TENM2: variants seen among roughly 807,000 people sequenced by gnomAD.
The protein encoded by TENM2 is teneurin transmembrane protein 2.
A neutral mutation model predicts 245.2 loss-of-function variants in TENM2; 52 were observed. That is an observed-to-expected ratio of 0.21 (90% CI 0.17 to 0.27). The LOEUF is 0.27. TENM2 is among the 10% of genes least tolerant of loss of function. TENM2 has a pLI of 1.00. For synonymous variants in TENM2, 1,363 were observed against 1,438.9 expected, an observed-to-expected ratio of 0.95 and a Z score of 1.19; for missense variants, 3,046 against 3,666.8, an observed-to-expected ratio of 0.83 and a Z score of 4.37.
At chr5:167,438,249 T>G (rs1018354007) in intron 2 of TENM2, among the ~76,000 whole-genome samples, 5 of 152,172 alleles carry the variant, frequency 3.3e-5, no homozygotes, top group Non-Finnish European at 7.4e-5. Context: ...CTGATGTGCC[T>G]TTTTTTGCTT....
chr5:167,877,947 A>G (rs1773564083), intron 3 of TENM2, among the ~76,000 whole-genome samples: 1 of 152,166 alleles, frequency 6.6e-6, no homozygotes, highest in Non-Finnish European at 1.5e-5. Context: ...GAAGGACAAG[A>G]GGCTTTTGAA....
intron 3 of TENM2, among the ~76,000 whole-genome samples, chr5:167,941,477 A>G (rs1368731978): frequency 1.3e-5 from 2 of 152,164 alleles, no homozygotes; most frequent in Non-Finnish European, 2.9e-5. Context: ...ACTCAGTAGG[A>G]AAATGGTCCC....
At position 168,247,441 on chromosome 5, in the gene TENM2, T is replaced by C. The variant is rs1562333085; in HGVS notation, c.6502T>C (p.Phe2168Leu). 1 of 1,613,762 alleles carries C rather than the reference T, an allele frequency of 6.2e-7. No individual in the cohort carries two copies. Among genetic ancestry groups the C allele is most frequent in the Non-Finnish European group, 8.5e-7 (1 of 1,179,734 alleles). Residue 2168 changes from phenylalanine to leucine, a missense_variant, in exon 27 of 29, where the codon TTC becomes CTC. Around this residue, in one of 2 missense-constraint regions of TENM2, gnomAD observed 2,704 missense variants for 3,331.9 expected, o/e 0.81. Transcript: ENST00000518659. The surrounding 1 kb of genome is among the most constrained non-coding windows in gnomAD (Gnocchi z 7.8). ...GATCAAGGAGGTCCAGTATGAGATGTTCCGGTCCCTCATGTACTGGATGAC... is the reference window on the plus strand; with the variant it reads ...GATCAAGGAGGTCCAGTATGAGATGCTCCGGTCCCTCATGTACTGGATGAC...
At chr5:167,070,106 A>T in the TENM2 span, among the ~76,000 whole-genome samples, 1 of 84,614 alleles carries the variant, frequency 1.2e-5, no homozygotes, top group South Asian at 2.9e-4. Context: ...TCATTTGACA[A>T]ATATTTATTT....
intron 3 of TENM2, among the ~76,000 whole-genome samples, chr5:167,898,722 C>A (rs1042299587): frequency 6.6e-6 from 1 of 152,052 alleles, no homozygotes; most frequent in Non-Finnish European, 1.5e-5. Context: ...ATAGGAGTTG[C>A]CAGGGACTTC....
chr5:167,039,347 A>C, the TENM2 span, among the ~76,000 whole-genome samples: 2 of 152,118 alleles, frequency 1.3e-5, no homozygotes, highest in Admixed American at 1.3e-4. Context: ...GCAGTGACCT[A>C]GGGCAGAATC....
At chr5:167,028,628 A>G in the TENM2 span, among the ~76,000 whole-genome samples, 1 of 152,118 alleles carries the variant, frequency 6.6e-6, no homozygotes, top group Non-Finnish European at 1.5e-5. Flanking sequence ...ATCAAATAAT[A>G]TACAGCATAT....
intron 2 of TENM2, among the ~76,000 whole-genome samples, chr5:167,766,904 C>A (rs746180512): frequency 1.3e-5 from 2 of 151,532 alleles, no homozygotes; most frequent in South Asian, 4.2e-4. Flanking sequence ...AAAACAAAAA[C>A]AAAAAACAAA....
At chr5:167,245,228 T>C in the TENM2 span, among the ~76,000 whole-genome samples, 1 of 152,162 alleles carries the variant, frequency 6.6e-6, no homozygotes, top group South Asian at 2.1e-4. Context: ...CTTAAGGAAA[T>C]ATGGCATTTC....
chr5:167,832,338 G>A (rs12519816), intron 2 of TENM2, among the ~76,000 whole-genome samples: 22,156 of 152,228 alleles, frequency 0.15, 3,157 homozygotes, highest in East Asian at 0.67. Flanking sequence ...TACAGCAAGC[G>A]TGTGTGCACA....
intron 2 of TENM2, among the ~76,000 whole-genome samples, chr5:167,515,472 A>C (rs1372201848): frequency 6.6e-6 from 1 of 151,554 alleles, no homozygotes. Context: ...TCACCTTTTC[A>C]TTGCCAATGG....
At chr5:168,171,364 A>T (rs1319059316) in intron 13 of TENM2, among the ~76,000 whole-genome samples, 2 of 152,260 alleles carry the variant, frequency 1.3e-5, no homozygotes, top group African/African-American at 2.4e-5. Flanking sequence ...CTTTCAGCTA[A>T]CCACCATGAT....
the TENM2 span, among the ~76,000 whole-genome samples, chr5:167,175,665 T>A: frequency 1.3e-5 from 2 of 152,192 alleles, no homozygotes; most frequent in Admixed American, 6.5e-5. Flanking sequence ...TGGCCTGAAC[T>A]CTCACACTGC....
At chr5:167,206,789 G>A in the TENM2 span, among the ~76,000 whole-genome samples, 1 of 152,106 alleles carries the variant, frequency 6.6e-6, no homozygotes, top group African/African-American at 2.4e-5. Flanking sequence ...AAGATCGTGT[G>A]TTATTTCAAA....
chr5:167,377,271 A>C (rs746116874), intron 2 of TENM2, among the ~76,000 whole-genome samples: 1 of 152,174 alleles, frequency 6.6e-6, no homozygotes, highest in Non-Finnish European at 1.5e-5. Flanking sequence ...CTGCGAGTCT[A>C]TGTAAATCCC....
At chr5:167,070,705 G>C in the TENM2 span, among the ~76,000 whole-genome samples, 1 of 152,086 alleles carries the variant, frequency 6.6e-6, no homozygotes, top group Non-Finnish European at 1.5e-5. Context: ...TCATGTGACT[G>C]TTAAGCGTTT....
intron 25 of TENM2, among the ~76,000 whole-genome samples, chr5:168,238,336 A>G (rs988602966): frequency 3.3e-5 from 5 of 151,584 alleles, no homozygotes; most frequent in African/African-American, 1.2e-4. Context: ...AAGAAAATGA[A>G]GATGTCCTCT....
intron 4 of TENM2, among the ~76,000 whole-genome samples, chr5:167,968,001 G>A (rs1781504840): frequency 2.0e-5 from 3 of 152,072 alleles, no homozygotes; most frequent in Admixed American, 2.0e-4. Context: ...TACCAGGCAG[G>A]GGAAGTAGGT....
intron 2 of TENM2, among the ~76,000 whole-genome samples, chr5:167,834,640 CTTTTT>C (rs555150513): frequency 1.5e-5 from 2 of 129,544 alleles, no homozygotes; most frequent in African/African-American, 5.9e-5. Flanking sequence ...TGTACAATTT[CTTTTT>C]TTTTTTTTTT....
Sources: allele counts gnomAD v4.1 joint callset (sites outside exome capture counted in the v4.1 genomes callset), GRCh38; gene constraint gnomAD v4.1.1; regional missense constraint gnomAD v4.1.1; non-coding constraint Gnocchi (gnomAD v3.1); transcripts MANE v1.5; gene names NCBI Gene and HGNC (gene_info 2026-07-23, HGNC 2026-07-21).